The following DAB2 variants were observed in gnomAD, a reference collection of about 807,000 sequenced individuals.
DAB2 encodes the protein disabled homolog 2.
A neutral mutation model predicts 71.6 loss-of-function variants in DAB2; 28 were observed. That is an observed-to-expected ratio of 0.39 (90% confidence interval 0.29 to 0.54). The LOEUF is 0.54. Among genes scored for constraint, DAB2 ranks in the 20% least tolerant of loss-of-function variants. DAB2 has a pLI of 0.68. For synonymous variants in DAB2, 345 were observed against 339.7 expected, an observed-to-expected ratio of 1.02 and a Z score of -0.17; for missense variants, 867 against 928.8, an observed-to-expected ratio of 0.93 and a Z score of 0.86.
intron 1 of DAB2, among the ~76,000 whole-genome samples, chr5:39,421,022 G>A (rs759032247): frequency 4.6e-5 from 7 of 152,122 alleles, no homozygotes; most frequent in Non-Finnish European, 8.8e-5. Context: ...TGACTTCAGG[G>A]GGAAGGATTG....
intron 1 of DAB2, among the ~76,000 whole-genome samples, chr5:39,410,553 A>G (rs1459297469): frequency 6.6e-6 from 1 of 152,174 alleles, no homozygotes; most frequent in African/African-American, 2.4e-5. Context: ...ATAAACTGCT[A>G]CTTCCCTAAG....
chr5:39,381,256 G>A (rs901200018), intron 11 of DAB2, among the ~76,000 whole-genome samples, 198 bp downstream of exon 11: 9 of 152,132 alleles, frequency 5.9e-5, no homozygotes, highest in African/African-American at 2.2e-4. Context: ...ATGCTGCCTC[G>A]AGGAGCCAAA....
intron 1 of DAB2, among the ~76,000 whole-genome samples, chr5:39,400,367 G>T (rs1755470607): frequency 6.6e-6 from 1 of 151,860 alleles, no homozygotes; most frequent in Admixed American, 6.6e-5. Context: ...CGAGTAGCTG[G>T]GATTACAGCC....
At chr5:39,388,543 C>T (rs184728492) in intron 8 of DAB2, among the ~76,000 whole-genome samples, 176 bp from the exon 9 acceptor site, 2 of 152,300 alleles carry the variant, frequency 1.3e-5, no homozygotes, top group Admixed American at 6.5e-5. Flanking sequence ...TGTCTCAAAG[C>T]AAATCTATCT....
chr5:39,388,761 T>A lies in DAB2; in HGVS notation c.624+38A>T, dbSNP rs750304771. Reference sequence around the variant, plus strand: ...ACAGGAAGTAGAACCCATGTTCAGATAAGTAAGAACTGTCAAACGTCACAT... The same window carrying A: ...ACAGGAAGTAGAACCCATGTTCAGAAAAGTAAGAACTGTCAAACGTCACAT... On this transcript the variant is annotated intron_variant, in intron 8 of 14. Transcript: ENST00000320816. The A allele has an allele frequency of 5.2e-6, 8 of 1,550,312 alleles. No individual in the cohort carries two copies. In the Admixed American group the frequency reaches 6.7e-5, roughly 13 times the overall value.
chr5:39,375,301 G>C (rs976298439), intron 13 of DAB2, among the ~76,000 whole-genome samples: 1 of 152,098 alleles, frequency 6.6e-6, no homozygotes, highest in Admixed American at 6.6e-5. Context: ...CATTTCATTT[G>C]CCTCCCCGAA....
chr5:39,409,512 T>G (rs1018165811), intron 1 of DAB2, among the ~76,000 whole-genome samples: 10 of 152,194 alleles, frequency 6.6e-5, no homozygotes, highest in Admixed American at 6.5e-4. Context: ...AATATCAGAA[T>G]TTTGCTTATA....
intron 1 of DAB2, among the ~76,000 whole-genome samples, chr5:39,400,500 G>C (rs1425124547): frequency 6.6e-6 from 1 of 152,224 alleles, no homozygotes; most frequent in South Asian, 2.1e-4. Flanking sequence ...CCAGAGTGCT[G>C]GGATTATAGG....
At chr5:39,384,324 C>T (rs1755047936) in intron 9 of DAB2, among the ~76,000 whole-genome samples, 1 of 152,096 alleles carries the variant, frequency 6.6e-6, no homozygotes, top group African/African-American at 2.4e-5. Context: ...CAATTAGGCA[C>T]AATAAGAGAT....
At chr5:39,421,063 T>C (rs1755972848) in intron 1 of DAB2, among the ~76,000 whole-genome samples, 1 of 152,010 alleles carries the variant, frequency 6.6e-6, no homozygotes, top group Non-Finnish European at 1.5e-5. Context: ...TGAGAGGGTG[T>C]GGGGAGGACT....
chr5:39,382,531 G>A (rs1561367111), intron 10 of DAB2, 87 bp downstream of exon 10: 4 of 1,366,754 alleles, frequency 2.9e-6, no homozygotes, highest in Non-Finnish European at 4.0e-6. Context: ...GAAACTACGA[G>A]AGCAGCAGGA....
chr5:39,389,073 C>G (rs1194994544), intron 7 of DAB2, 24 bp downstream of exon 7: 2 of 1,610,868 alleles, frequency 1.2e-6, no homozygotes, highest in South Asian at 2.2e-5. Context: ...ACATGATTAA[C>G]AAGAAGTAAA....
Position 39,376,985 on chromosome 5 carries a change from G to C in DAB2, c.1802C>G (p.Ala601Gly), listed in dbSNP as rs772552808. 6.2e-7 allele frequency: 1 copy of C among 1,614,116 alleles called. No individual in the cohort carries two copies. Among genetic ancestry groups the C allele is most frequent in the South Asian group, 1.1e-5 (1 of 91,084 alleles). The change falls in exon 12 of 15, where the codon GCT (alanine) becomes GGT (glycine). Residue 601 changes from alanine (A) to glycine (G), a missense_variant. By Grantham distance (60) the Ala-to-Gly change is moderately conservative. Around this residue, in one of 2 missense-constraint regions of DAB2, gnomAD observed 740 missense variants for 734.3 expected, o/e 1.01. Transcript: ENST00000320816. ...TGGGGGCTGAGTGGACACAGCAGGA[G>C]CTGGAAAAATATTGCTCTGAAAAGG... ...GNPFQSNIFP[A>G]PAVSTQPPSM...
At chr5:39,380,472 T>A (rs1267948419) in intron 11 of DAB2, among the ~76,000 whole-genome samples, 1 of 151,006 alleles carries the variant, frequency 6.6e-6, no homozygotes, top group African/African-American at 2.4e-5. Context: ...GAGAGGAGAG[T>A]CCTTCCTCGT....
At chr5:39,411,482 C>T (rs75012517) in intron 1 of DAB2, among the ~76,000 whole-genome samples, 6,970 of 152,184 alleles carry the variant, frequency 0.046, 234 homozygotes, top group Non-Finnish European at 0.068. Context: ...CCATTTGTAG[C>T]CTCTCTGTAT....
chr5:39,404,633 C>T (rs1471094301), intron 1 of DAB2, among the ~76,000 whole-genome samples: 2 of 151,646 alleles, frequency 1.3e-5, no homozygotes, highest in Non-Finnish European at 2.9e-5. Context: ...GGATGGAGTG[C>T]AGTGGCATGA....
chr5:39,395,178 G>A (rs746601265), intron 1 of DAB2, among the ~76,000 whole-genome samples: 11 of 151,996 alleles, frequency 7.2e-5, no homozygotes, highest in Non-Finnish European at 1.0e-4. Flanking sequence ...TTGTAACCAC[G>A]CAGAAGTGAG....
chr5:39,414,425 T>A (rs1561380523), intron 1 of DAB2, among the ~76,000 whole-genome samples: 1 of 152,132 alleles, frequency 6.6e-6, no homozygotes, highest in Non-Finnish European at 1.5e-5. Flanking sequence ...GTGGACACTT[T>A]TAAAAGGAGA....
chr5:39,424,470 TACACACACACACACACACACAC>T (rs56974213), intron 1 of DAB2, among the ~76,000 whole-genome samples: 269 of 134,558 alleles, frequency 2.0e-3, no homozygotes, highest in African/African-American at 6.6e-3. Flanking sequence ...GCAGACCTTT[TACACACACACACACACACACAC>T]ACACACACAC....
Sources: allele counts gnomAD v4.1 joint callset (sites outside exome capture counted in the v4.1 genomes callset), GRCh38; gene constraint gnomAD v4.1.1; regional missense constraint gnomAD v4.1.1; transcripts MANE v1.5; gene names NCBI Gene and HGNC (gene_info 2026-07-23, HGNC 2026-07-21).